Variants in ARB2A observed in about 807,000 individuals in gnomAD.
ARB2A encodes ARB2 cotranscriptional regulator A, also known as cotranscriptional regulator ARB2A.
the ARB2A span, among the ~76,000 whole-genome samples, chr5:93,896,961 T>C: frequency 6.6e-6 from 1 of 152,008 alleles, no homozygotes. Flanking sequence ...CAAGAAGTGA[T>C]TAGAGCATCA....
chr5:93,881,444 T>A, the ARB2A span: 2 of 1,532,728 alleles, frequency 1.3e-6, no homozygotes, highest in Non-Finnish European at 9.0e-7. Flanking sequence ...AAGAAAATAG[T>A]AAAGGAAAGT....
the ARB2A span, among the ~76,000 whole-genome samples, chr5:93,756,857 G>A: frequency 1.3e-5 from 2 of 151,988 alleles, no homozygotes; most frequent in African/African-American, 4.8e-5. Context: ...CACCAGCAAT[G>A]GATCCAAACC....
At chr5:94,101,815 C>T in the ARB2A span, among the ~76,000 whole-genome samples, 2 of 151,950 alleles carry the variant, frequency 1.3e-5, no homozygotes, top group African/African-American at 2.4e-5. Context: ...AGGAGGAGGG[C>T]AATTAGCAGA....
At chr5:93,942,785 G>A in the ARB2A span, among the ~76,000 whole-genome samples, 26 of 152,034 alleles carry the variant, frequency 1.7e-4, no homozygotes, top group Non-Finnish European at 2.6e-4. Flanking sequence ...AAGAAACTTC[G>A]TGGTTTCTTG....
chr5:94,107,438 T>C, the ARB2A span, among the ~76,000 whole-genome samples: 1 of 151,880 alleles, frequency 6.6e-6, no homozygotes, highest in Non-Finnish European at 1.5e-5. Context: ...GCAAAGTAAT[T>C]GATTTAAATG....
At chr5:93,884,766 T>G in the ARB2A span, among the ~76,000 whole-genome samples, 1 of 151,566 alleles carries the variant, frequency 6.6e-6, no homozygotes, top group African/African-American at 2.4e-5. Flanking sequence ...AAACTAACAT[T>G]TAAAATTAAA....
At chr5:93,839,652 T>TG in the ARB2A span, among the ~76,000 whole-genome samples, 1 of 152,004 alleles carries the variant, frequency 6.6e-6, no homozygotes, top group Non-Finnish European at 1.5e-5. Flanking sequence ...ATTCCGGTCC[T>TG]GGGCTTTTTT....
the ARB2A span, among the ~76,000 whole-genome samples, chr5:94,018,210 T>G: frequency 6.6e-6 from 1 of 152,206 alleles, no homozygotes; most frequent in Non-Finnish European, 1.5e-5. Flanking sequence ...TGGTGCTGCC[T>G]ATAGCAGCAG....
chr5:93,900,556 G>A, the ARB2A span, among the ~76,000 whole-genome samples: 1 of 150,484 alleles, frequency 6.6e-6, no homozygotes, highest in Admixed American at 6.6e-5. Context: ...AGAGGTTGCA[G>A]TGAGTCAAGA....
chr5:94,108,376 A>T, the ARB2A span, among the ~76,000 whole-genome samples: 7 of 148,718 alleles, frequency 4.7e-5, no homozygotes, highest in Non-Finnish European at 1.0e-4. Flanking sequence ...AAGATGGTGT[A>T]TTTTTTTTTT....
At chr5:93,652,824 G>T in the ARB2A span, among the ~76,000 whole-genome samples, 3 of 152,252 alleles carry the variant, frequency 2.0e-5, no homozygotes, top group Non-Finnish European at 4.4e-5. Context: ...CAGTTTTGAG[G>T]ACTTTTACTT....
At chr5:93,817,194 A>G in the ARB2A span, among the ~76,000 whole-genome samples, 1 of 152,170 alleles carries the variant, frequency 6.6e-6, no homozygotes, top group Non-Finnish European at 1.5e-5. Flanking sequence ...GTCTCTATCT[A>G]CTAGTACTGA....
chr5:93,773,704 A>G, the ARB2A span, among the ~76,000 whole-genome samples: 3 of 152,142 alleles, frequency 2.0e-5, no homozygotes, highest in Admixed American at 6.6e-5. Flanking sequence ...TTCCAACAGC[A>G]TGTGCTCACT....
At chr5:93,647,917 C>T in the ARB2A span, among the ~76,000 whole-genome samples, 5 of 152,028 alleles carry the variant, frequency 3.3e-5, no homozygotes, top group East Asian at 1.9e-4. Context: ...CTGAGGTGGG[C>T]GGATCATGTG....
chr5:93,906,335 G>C, the ARB2A span, among the ~76,000 whole-genome samples: 166 of 151,436 alleles, frequency 1.1e-3, no homozygotes, highest in African/African-American at 3.9e-3. Context: ...ATGGTTGAAA[G>C]AGTATGAACT....
At chr5:93,710,982 T>C in the ARB2A span, among the ~76,000 whole-genome samples, 4 of 152,190 alleles carry the variant, frequency 2.6e-5, no homozygotes, top group Non-Finnish European at 5.9e-5. Context: ...GAGTGTATAT[T>C]CTGACAAGAA....
chr5:93,714,161 TGATTACAAAACAGAAATAC>T, the ARB2A span, among the ~76,000 whole-genome samples: 1 of 152,246 alleles, frequency 6.6e-6, no homozygotes, highest in African/African-American at 2.4e-5. Context: ...TTTAACAAGC[TGATTACAAAACAGAAATAC>T]AATTCGTTAA....
chr5:93,881,409 C>T, the ARB2A span: 1 of 1,234,472 alleles, frequency 8.1e-7, no homozygotes, highest in Non-Finnish European at 1.1e-6. Flanking sequence ...AAACAATCTA[C>T]ATATAATAAA....
At chr5:94,092,942 C>T in the ARB2A span, among the ~76,000 whole-genome samples, 2 of 152,044 alleles carry the variant, frequency 1.3e-5, no homozygotes, top group African/African-American at 2.4e-5. Context: ...TGTGATAAAT[C>T]TTATTAGAAG....
Sources: allele counts gnomAD v4.1 joint callset (sites outside exome capture counted in the v4.1 genomes callset), GRCh38; gene constraint gnomAD v4.1.1; transcripts MANE v1.5; gene names NCBI Gene and HGNC (gene_info 2026-07-23, HGNC 2026-07-21).